The following BCO1 variants were observed in gnomAD, a reference collection of about 807,000 sequenced individuals.
BCO1 encodes the protein beta-carotene oxygenase 1.
In BCO1, 54 loss-of-function variants were observed where a neutral mutation model predicts 56.3. That is an observed-to-expected ratio of 0.96 (90% CI 0.77 to 1.20). BCO1 has a LOEUF of 1.20. BCO1 is among the 50% of genes most tolerant of loss of function. The probability of loss-of-function intolerance (pLI) is 0.00; values close to 1 mark genes in which losing one functional copy is unlikely to be tolerated. For missense variants in BCO1, 801 were observed against 690.9 expected, an observed-to-expected ratio of 1.16 and a Z score of -1.79; for synonymous variants, 318 against 266.1, an observed-to-expected ratio of 1.20 and a Z score of -1.90.
chr16:81,257,980 C>T (rs1906251038), intron 2 of BCO1, among the ~76,000 whole-genome samples: 1 of 151,806 alleles, frequency 6.6e-6, no homozygotes, highest in African/African-American at 2.4e-5. Context: ...CCAGTGTAAT[C>T]TCAAGAGAGA....
intron 1 of BCO1, among the ~76,000 whole-genome samples, chr16:81,242,608 T>A (rs1252438758): frequency 2.6e-5 from 4 of 152,094 alleles, no homozygotes; most frequent in Admixed American, 2.0e-4. Flanking sequence ...TTTCTCTCCA[T>A]CCCTGTGGAA....
chr16:81,261,990 C>T, intron 3 of BCO1, 146 bp from the exon 4 acceptor site: 1 of 912,140 alleles, frequency 1.1e-6, no homozygotes, highest in Non-Finnish European at 1.8e-6. Context: ...GATCCACCTG[C>T]CTCGGCCTCC....
intron 7 of BCO1, among the ~76,000 whole-genome samples, chr16:81,279,767 G>A (rs368961162): frequency 1.3e-5 from 2 of 152,154 alleles, no homozygotes; most frequent in Non-Finnish European, 2.9e-5. Context: ...GTAAGATACT[G>A]AACACAGCAA....
Position 81,262,244 on chromosome 16 carries a change from C to G in BCO1, c.432C>G (p.Ile144Met). The change falls in exon 4 of 11, where the codon ATC (isoleucine) becomes ATG (methionine). Residue 144 changes from isoleucine to methionine, a missense_variant. Physicochemically the swap from Ile to Met is conservative, Grantham distance 10. Transcript: ENST00000258168. Reference protein sequence around the residue: ...DFYATSETNYIRKINPQTLET... With the variant: ...DFYATSETNYMRKINPQTLET... ...ACGCGACCTCAGAGACCAATTACAT[C>G]AGGAAAATCAACCCACAGACTCTGG... 1 of 1,613,748 alleles carries G rather than the reference C, an allele frequency of 6.2e-7. No individual in the cohort carries two copies. Among genetic ancestry groups the G allele is most frequent in the Non-Finnish European group, 8.5e-7 (1 of 1,179,720 alleles).
chr16:81,261,604 C>T (rs1906483817), intron 3 of BCO1, among the ~76,000 whole-genome samples: 1 of 152,148 alleles, frequency 6.6e-6, no homozygotes, highest in Non-Finnish European at 1.5e-5. Context: ...GGAGGATCAG[C>T]TGGTGACCAT....
intron 6 of BCO1, among the ~76,000 whole-genome samples, chr16:81,269,047 T>C (rs1350229909): frequency 1.3e-5 from 2 of 148,866 alleles, no homozygotes; most frequent in African/African-American, 2.5e-5. Flanking sequence ...ATTACATGTG[T>C]GAGCCATTGC....
intron 7 of BCO1, among the ~76,000 whole-genome samples, chr16:81,278,381 C>A (rs1422774195): frequency 1.3e-5 from 2 of 152,136 alleles, no homozygotes; most frequent in Non-Finnish European, 2.9e-5. Flanking sequence ...AGGTGCTGGG[C>A]TCCTTTGTCT....
chr16:81,262,221 G>A lies in BCO1; in HGVS notation c.409G>A (p.Ala137Thr). 6.2e-7 allele frequency: 1 copy of A among 1,613,794 alleles called. No homozygotes were observed. The highest frequency in any genetic ancestry group is 1.7e-5 in the Admixed American group (1 of 60,004). Residue 137 changes from alanine to threonine, a missense_variant, in exon 4 of 11, where the codon GCG (alanine) becomes ACG (threonine). By Grantham distance (58) the Ala-to-Thr change is moderately conservative. Coordinates refer to ENST00000258168, the MANE Select transcript of BCO1 (RefSeq NM_017429.3). ...NIMKCGEDFY[A>T]TSETNYIRKI... is the part of the protein sequence containing the mutation. ...CATGAAGTGCGGAGAAGACTTCTACGCGACCTCAGAGACCAATTACATCAG... is the reference window on the plus strand; with the variant it reads ...CATGAAGTGCGGAGAAGACTTCTACACGACCTCAGAGACCAATTACATCAG...
At chr16:81,255,972 C>G (rs563496307) in intron 2 of BCO1, among the ~76,000 whole-genome samples, 1 of 143,300 alleles carries the variant, frequency 7.0e-6, no homozygotes, top group South Asian at 2.2e-4. Flanking sequence ...GCCCAGTACC[C>G]CGGCTAATTT....
intron 2 of BCO1, among the ~76,000 whole-genome samples, chr16:81,251,954 C>A (rs1350949569): frequency 6.6e-6 from 1 of 151,192 alleles, no homozygotes; most frequent in East Asian, 2.0e-4. Flanking sequence ...CTAGAAGATC[C>A]CAGGCAGGAG....
At chr16:81,280,146 C>T (rs144693206) in intron 7 of BCO1, among the ~76,000 whole-genome samples, 26,819 of 151,256 alleles carry the variant, frequency 0.18, 3,031 homozygotes, top group Non-Finnish European at 0.24. Flanking sequence ...ACCTGTAATC[C>T]CAGCTACTCT....
At chr16:81,265,011 A>C (rs1471247874) in intron 5 of BCO1, among the ~76,000 whole-genome samples, 1 of 152,112 alleles carries the variant, frequency 6.6e-6, no homozygotes, top group East Asian at 1.9e-4. Context: ...CCTTTTATTT[A>C]GGCTCCAGTT....
At chr16:81,258,454 G>T (rs1019128679) in intron 2 of BCO1, among the ~76,000 whole-genome samples, 2 of 152,194 alleles carry the variant, frequency 1.3e-5, no homozygotes, top group Non-Finnish European at 2.9e-5. Context: ...AATATCAAAC[G>T]TTACTCCAGG....
intron 2 of BCO1, among the ~76,000 whole-genome samples, chr16:81,253,274 T>C (rs1905923159): frequency 6.6e-6 from 1 of 152,174 alleles, no homozygotes. Flanking sequence ...GATCACTCTG[T>C]CTACTGCATC....
intron 8 of BCO1, among the ~76,000 whole-genome samples, chr16:81,281,216 G>A (rs1907864379): frequency 6.6e-6 from 1 of 152,102 alleles, no homozygotes; most frequent in Non-Finnish European, 1.5e-5. Flanking sequence ...GAAGCTGAGG[G>A]AGGCAGATCA....
intron 2 of BCO1, among the ~76,000 whole-genome samples, chr16:81,246,372 A>G (rs1905417285): frequency 6.6e-6 from 1 of 152,152 alleles, no homozygotes; most frequent in Non-Finnish European, 1.5e-5. Flanking sequence ...AGGGATTTGG[A>G]TGTGGAGATA....
intron 7 of BCO1, among the ~76,000 whole-genome samples, chr16:81,273,911 AC>A (rs979966839): frequency 2.0e-5 from 3 of 152,208 alleles, no homozygotes; most frequent in Non-Finnish European, 4.4e-5. Flanking sequence ...CCTAGTCAGA[AC>A]AACTGGAAGA....
intron 1 of BCO1, 136 bp from the exon 2 acceptor site, chr16:81,245,339 A>G: frequency 7.5e-7 from 1 of 1,326,830 alleles, no homozygotes; most frequent in Non-Finnish European, 1.1e-6. Flanking sequence ...CTTTCTGGAA[A>G]TGACTGTAGA....
chr16:81,252,023 G>A (rs1477341758), intron 2 of BCO1, among the ~76,000 whole-genome samples: 1 of 151,952 alleles, frequency 6.6e-6, no homozygotes, highest in Non-Finnish European at 1.5e-5. Flanking sequence ...TCTCCTGAAA[G>A]CAGACTGCTG....
Sources: gnomAD v4.1 joint callset for allele counts (sites outside exome capture counted in the v4.1 genomes callset) on GRCh38, gnomAD v4.1.1 for gene constraint, MANE v1.5 for transcripts, NCBI Gene and HGNC (gene_info 2026-07-23, HGNC 2026-07-21) for gene names.